SEMA5B: variants seen among roughly 807,000 people sequenced by gnomAD.
SEMA5B encodes semaphorin 5B.
Under a neutral mutation model 135.0 loss-of-function variants are expected in SEMA5B, and 66 were observed. That is an observed-to-expected ratio of 0.49 (90% confidence interval 0.40 to 0.60). The LOEUF is 0.60. SEMA5B is among the 20% of genes least tolerant of loss of function. The pLI, the probability that SEMA5B is intolerant of heterozygous loss-of-function variation, is 0.00. For missense variants in SEMA5B, 1,501 were observed against 1,566.3 expected, an observed-to-expected ratio of 0.96 and a Z score of 0.70; for synonymous variants, 690 against 639.5, an observed-to-expected ratio of 1.08 and a Z score of -1.19.
At chr3:122,915,028 T>C (rs1244398354) in intron 14 of SEMA5B, among the ~76,000 whole-genome samples, 1 of 152,190 alleles carries the variant, frequency 6.6e-6, no homozygotes, top group African/African-American at 2.4e-5. Flanking sequence ...TAACCCTCAC[T>C]AAGAGAAGCT....
chr3:122,984,285 T>G (rs1255509143), intron 1 of SEMA5B, among the ~76,000 whole-genome samples: 1 of 152,142 alleles, frequency 6.6e-6, no homozygotes, highest in Non-Finnish European at 1.5e-5. Context: ...CTGCCTCACC[T>G]CCCCAATCCC....
intron 1 of SEMA5B, among the ~76,000 whole-genome samples, chr3:122,973,201 C>T (rs1187642977): frequency 2.0e-5 from 3 of 152,210 alleles, no homozygotes; most frequent in African/African-American, 7.2e-5. Context: ...AGTCTGAGCC[C>T]CTGACTCCAG....
chr3:122,966,699 C>A (rs973277961), intron 1 of SEMA5B, among the ~76,000 whole-genome samples: 1 of 150,186 alleles, frequency 6.7e-6, no homozygotes, highest in Non-Finnish European at 1.5e-5. Flanking sequence ...GGACTACAGG[C>A]CCCCGCCACC....
intron 1 of SEMA5B, chr3:122,992,980 C>T (rs1941923341): frequency 6.6e-6 from 1 of 152,298 alleles, no homozygotes; most frequent in East Asian, 1.9e-4. Context: ...GCCACAGGCA[C>T]ACCGGTTCCA....
Position 122,922,062 on chromosome 3 carries a change from A to G in SEMA5B, c.1541T>C (p.Leu514Pro). Residue 514 changes from leucine to proline, a missense_variant, in exon 12 of 23, where the codon CTG (leucine) becomes CCG (proline). Leu to Pro is a moderately conservative substitution (Grantham distance 98). Transcript: ENST00000357599. ...TASRSLHGCYLEELHVLPPGR... is the reference protein window; with the variant it reads ...TASRSLHGCYPEELHVLPPGR... ...GGGGGGCAGCACGTGCAGCTCCTCC[A>G]GGTAGCAGCCGTGGAGGCTGCGGCT... 6.7e-7 allele frequency: 1 copy of G among 1,496,354 alleles called. No individual in the cohort carries two copies. The highest frequency in any genetic ancestry group is 8.9e-7 in the Non-Finnish European group (1 of 1,122,144). 92.7% of individuals were successfully genotyped at this position (1,496,354 alleles called of 1,614,324 possible).
intron 1 of SEMA5B, among the ~76,000 whole-genome samples, chr3:123,022,554 C>G (rs1328433967): frequency 6.6e-6 from 1 of 152,208 alleles, no homozygotes; most frequent in East Asian, 1.9e-4. Flanking sequence ...AATCAGCAGA[C>G]CAACTGCCAA....
At chr3:122,936,395 G>GT (rs1939288339) in intron 5 of SEMA5B, among the ~76,000 whole-genome samples, 1 of 152,200 alleles carries the variant, frequency 6.6e-6, no homozygotes. Flanking sequence ...CTCCAGGGCT[G>GT]CCAGATTTGA....
chr3:122,960,942 A>AAATGGCCAATTTAACC (rs1205804267), intron 2 of SEMA5B, among the ~76,000 whole-genome samples, 198 bp downstream of exon 2: 2 of 152,222 alleles, frequency 1.3e-5, no homozygotes, highest in East Asian at 1.9e-4. Context: ...TGAACCGTGG[A>AAATGGCCAATTTAACC]CTTAAAAAGG....
At chr3:123,003,923 C>G (rs1036177277) in intron 1 of SEMA5B, among the ~76,000 whole-genome samples, 1 of 152,162 alleles carries the variant, frequency 6.6e-6, no homozygotes, top group Non-Finnish European at 1.5e-5. Flanking sequence ...GGGCAGCCTT[C>G]CTTGTTTAAC....
intron 16 of SEMA5B, 30 bp downstream of exon 16, chr3:122,913,504 G>A (rs760930292): frequency 1.9e-6 from 3 of 1,599,040 alleles, no homozygotes; most frequent in South Asian, 1.1e-5. Context: ...ACCCTACACC[G>A]CGCCCCTGGC....
At chr3:122,927,474 T>G (rs1014161874) in intron 8 of SEMA5B, among the ~76,000 whole-genome samples, 8 of 152,226 alleles carry the variant, frequency 5.3e-5, no homozygotes, top group African/African-American at 1.4e-4. Flanking sequence ...ATTACAGGCA[T>G]GAGCCACTAT....
chr3:122,963,095 T>C (rs1316970919), intron 1 of SEMA5B, among the ~76,000 whole-genome samples: 1 of 152,196 alleles, frequency 6.6e-6, no homozygotes. Flanking sequence ...CTCAACGAGA[T>C]GAGCAGACAG....
intron 12 of SEMA5B, among the ~76,000 whole-genome samples, chr3:122,919,451 T>A (rs879528976): frequency 2.6e-5 from 4 of 152,134 alleles, no homozygotes; most frequent in Non-Finnish European, 4.4e-5. Context: ...GAGATTCTCC[T>A]GAGTGAAAAG....
chr3:122,986,320 T>C (rs551547152), intron 1 of SEMA5B, among the ~76,000 whole-genome samples: 2 of 152,346 alleles, frequency 1.3e-5, no homozygotes, highest in South Asian at 2.1e-4. Flanking sequence ...CAATTTGATA[T>C]ACCCAAAAAG....
chr3:122,954,098 C>T (rs1034765306), intron 2 of SEMA5B, among the ~76,000 whole-genome samples: 2 of 152,224 alleles, frequency 1.3e-5, no homozygotes, highest in African/African-American at 4.8e-5. Context: ...ACTCTGCTGT[C>T]AACCAGGGTG....
intron 1 of SEMA5B, among the ~76,000 whole-genome samples, chr3:123,005,959 G>A (rs1021459958): frequency 6.6e-6 from 1 of 152,210 alleles, no homozygotes; most frequent in Non-Finnish European, 1.5e-5. Flanking sequence ...AACACCACCT[G>A]TGTGACTTTG....
chr3:122,988,698 G>A (rs1177638086), intron 1 of SEMA5B, among the ~76,000 whole-genome samples: 2 of 152,226 alleles, frequency 1.3e-5, no homozygotes, highest in Non-Finnish European at 2.9e-5. Context: ...TATCTCCTAA[G>A]GCCTTGGGGT....
chr3:122,923,686 G>A lies in SEMA5B; in HGVS notation c.1203C>T (p.Gly401=). The A allele has an allele frequency of 6.2e-7, 1 of 1,614,060 alleles. No individual in the cohort carries two copies. The highest frequency in any genetic ancestry group is 8.5e-7 in the Non-Finnish European group (1 of 1,179,926). ...NLSAISQAFN[G]PFRYQENPRA... ...TGGGGTTCTCCTGGTAGCGAAATGG[G>A]CCATTGAAAGCCTGGGAGATAGCAC... The change falls in exon 10 of 23, where the codon GGC becomes GGT. Residue 401 remains glycine (G), a synonymous_variant. Coordinates refer to ENST00000357599, the MANE Select transcript of SEMA5B (RefSeq NM_001031702.4).
intron 2 of SEMA5B, among the ~76,000 whole-genome samples, chr3:122,950,962 C>G (rs1014535526): frequency 4.6e-5 from 7 of 152,160 alleles, no homozygotes; most frequent in African/African-American, 1.7e-4. Context: ...GAGACAGGGT[C>G]TTGCTCTGTC....
Sources: allele counts gnomAD v4.1 joint callset (sites outside exome capture counted in the v4.1 genomes callset), GRCh38; gene constraint gnomAD v4.1.1; transcripts MANE v1.5; gene names NCBI Gene and HGNC (gene_info 2026-07-23, HGNC 2026-07-21).